Variants in P3H2 observed in about 807,000 individuals in gnomAD.
The protein encoded by P3H2 is prolyl 3-hydroxylase 2.
P3H2 carries 80 observed loss-of-function variants against 87.0 expected under a neutral mutation model. That is an observed-to-expected ratio of 0.92 (90% CI 0.77 to 1.11). The LOEUF (loss-of-function observed/expected upper bound fraction) is 1.11. Ranked by LOEUF, P3H2 falls within the 50% of genes least tolerant of loss-of-function variation. P3H2 has a pLI of 0.00. For missense variants in P3H2, 1,001 were observed against 923.9 expected, an observed-to-expected ratio of 1.08 and a Z score of -1.08; for synonymous variants, 367 against 359.3, an observed-to-expected ratio of 1.02 and a Z score of -0.24.
intron 13 of P3H2, chr3:189,969,317 A>G: frequency 1.1e-6 from 1 of 911,616 alleles, no homozygotes; most frequent in Non-Finnish European, 1.8e-6. Flanking sequence ...CAGAACATGA[A>G]GCTTTCTGCT....
intron 1 of P3H2, among the ~76,000 whole-genome samples, chr3:190,093,118 A>C (rs916005100): frequency 3.3e-5 from 5 of 152,236 alleles, no homozygotes; most frequent in African/African-American, 1.2e-4. Flanking sequence ...AATAATTCTG[A>C]CATCAATTCT....
At chr3:189,966,106 A>G (rs201087754) in intron 13 of P3H2, among the ~76,000 whole-genome samples, 1,648 of 84,706 alleles carry the variant, frequency 0.019, 11 homozygotes, top group Middle Eastern at 0.024. Flanking sequence ...AAGAAAGAAA[A>G]AAGAAAGAAA....
chr3:190,059,192 C>T (rs1264148557), intron 1 of P3H2, among the ~76,000 whole-genome samples: 1 of 152,146 alleles, frequency 6.6e-6, no homozygotes, highest in Non-Finnish European at 1.5e-5. Flanking sequence ...CTACTTCCCC[C>T]AACCTGTGCC....
chr3:189,988,923 CTG>C lies in P3H2; in HGVS notation c.937_938del (p.Gln313ValfsTer8). On this transcript the variant is annotated frameshift_variant, in exon 4 of 15. Transcript: ENST00000319332. LOFTEE classifies it high-confidence loss of function. ...ACGCTTTACCTCGATAGTAGGCAAA[CTG>C]TAGGTAATCATAGTGCAGAGGAAGA... ...NFLPLHYDYL[Q>X]FAYYRVGEYV... 2 of 1,614,062 alleles carry C rather than the reference CTG, an allele frequency of 1.2e-6. No individual in the cohort carries two copies. The highest frequency in any genetic ancestry group is 1.6e-4 in the Middle Eastern group (1 of 6,062).
intron 1 of P3H2, among the ~76,000 whole-genome samples, chr3:190,045,528 A>G (rs554179380): frequency 1.6e-4 from 25 of 152,290 alleles, no homozygotes; most frequent in South Asian, 8.3e-4. Flanking sequence ...AGAGAGAGAC[A>G]TAGAGAGAGA....
chr3:190,057,219 T>G (rs915427646), intron 1 of P3H2, among the ~76,000 whole-genome samples: 2 of 152,184 alleles, frequency 1.3e-5, no homozygotes, highest in Non-Finnish European at 2.9e-5. Flanking sequence ...TAAAGGGTGA[T>G]CCTTAGACCA....
In P3H2 at chr3:190,120,813, C is replaced by T. The variant is rs1712550806; in HGVS notation, c.-82G>A. 1 of 1,471,618 alleles carries T rather than the reference C, an allele frequency of 6.8e-7. No homozygotes were observed. The highest frequency in any genetic ancestry group is 1.3e-5 in the South Asian group (1 of 77,650). 91.2% of individuals were successfully genotyped at this position (1,471,618 alleles called of 1,614,324 possible). A position where few individuals can be genotyped will look rare whatever the true frequency, so the allele number is the denominator to read the frequency against. ...GCGTCCGGGTCCCCTCTCCCACCTT[C>T]CCTCGGGGAAGCGCGCCGACTCCGC... On this transcript the variant is annotated 5_prime_UTR_variant, in exon 1 of 15. Transcript: ENST00000319332.
intron 1 of P3H2, among the ~76,000 whole-genome samples, chr3:190,031,985 A>G (rs903867793): frequency 2.6e-5 from 4 of 152,196 alleles, no homozygotes. Context: ...ACATTCAGTA[A>G]GTGTCTACTA....
At chr3:190,076,111 C>A (rs548375350) in intron 1 of P3H2, among the ~76,000 whole-genome samples, 2 of 151,724 alleles carry the variant, frequency 1.3e-5, no homozygotes, top group South Asian at 4.2e-4. Context: ...CTGGGCTGAA[C>A]CTTCAATGTC....
intron 13 of P3H2, among the ~76,000 whole-genome samples, 194 bp downstream of exon 13, chr3:189,970,622 T>A (rs1053014461): frequency 6.6e-6 from 1 of 152,130 alleles, no homozygotes; most frequent in Non-Finnish European, 1.5e-5. Flanking sequence ...TTTAATTTAC[T>A]CATCTTTACA....
At chr3:189,981,396 G>A (rs1208992252) in intron 8 of P3H2, among the ~76,000 whole-genome samples, 2 of 152,196 alleles carry the variant, frequency 1.3e-5, no homozygotes, top group African/African-American at 4.8e-5. Context: ...GCTATCCACT[G>A]GAGAATTACT....
intron 1 of P3H2, among the ~76,000 whole-genome samples, chr3:190,066,972 C>T (rs1279669934): frequency 6.6e-6 from 1 of 151,768 alleles, no homozygotes; most frequent in African/African-American, 2.4e-5. Flanking sequence ...ATTCTCTCCA[C>T]TACATTCACA....
At chr3:190,066,858 A>G (rs1056461279) in intron 1 of P3H2, among the ~76,000 whole-genome samples, 3 of 152,154 alleles carry the variant, frequency 2.0e-5, no homozygotes, top group African/African-American at 7.2e-5. Context: ...TTTGCTCATG[A>G]TGTTCCTTCT....
chr3:189,972,789 A>G, intron 11 of P3H2, 85 bp downstream of exon 11: 2 of 1,378,804 alleles, frequency 1.5e-6, no homozygotes, highest in Non-Finnish European at 2.1e-6. Flanking sequence ...ATATTAATCT[A>G]CCATGCTGTT....
chr3:190,010,054 C>T (rs1046755072), intron 1 of P3H2, among the ~76,000 whole-genome samples: 2 of 152,170 alleles, frequency 1.3e-5, no homozygotes, highest in Non-Finnish European at 2.9e-5. Flanking sequence ...AAGAAGCTAA[C>T]AGCAAATGCC....
Position 190,044,823 on chromosome 3 carries a change from G to A in P3H2, c.481-49381C>T, listed in dbSNP as rs575992618. Among the ~76,000 whole-genome samples, 18 of 152,136 alleles carry A rather than the reference G, an allele frequency of 1.2e-4. 1 individual carries two copies. Among genetic ancestry groups the A allele is most frequent in the South Asian group, 1.0e-3 (5 of 4,822 alleles). ...AAGGCTATTGTCACTATGATTTAGC[G>A]GAGGGAAGAAAAAGGGTCTCTGTTC... On this transcript the variant is annotated intron_variant, in intron 1 of 14. Coordinates refer to ENST00000319332, the MANE Select transcript of P3H2 (RefSeq NM_018192.4).
At chr3:190,117,268 A>T (rs965695689) in intron 1 of P3H2, among the ~76,000 whole-genome samples, 4 of 152,214 alleles carry the variant, frequency 2.6e-5, no homozygotes, top group African/African-American at 9.6e-5. Flanking sequence ...CTCAGATTTC[A>T]TGATTTTTCA....
chr3:190,090,157 A>G (rs1490462722), intron 1 of P3H2, among the ~76,000 whole-genome samples: 1 of 152,174 alleles, frequency 6.6e-6, no homozygotes, highest in Non-Finnish European at 1.5e-5. Context: ...CAGGTCAAAC[A>G]TGCTTCTTAA....
At chr3:190,063,393 C>A (rs1314083127) in intron 1 of P3H2, among the ~76,000 whole-genome samples, 1 of 152,172 alleles carries the variant, frequency 6.6e-6, no homozygotes, top group Admixed American at 6.5e-5. Context: ...TAAACTTTTG[C>A]TCTGGTCAAT....
Sources: allele counts gnomAD v4.1 joint callset (sites outside exome capture counted in the v4.1 genomes callset), GRCh38; gene constraint gnomAD v4.1.1; transcripts MANE v1.5; gene names NCBI Gene and HGNC (gene_info 2026-07-23, HGNC 2026-07-21).